Variants in DHRSX observed in about 807,000 individuals in gnomAD.
DHRSX encodes the protein dehydrogenase/reductase X-linked.
In DHRSX, 31 loss-of-function variants were observed where a neutral mutation model predicts 34.0. The observed-to-expected ratio is 0.91, with a 90% confidence interval of 0.69 to 1.23. The LOEUF (loss-of-function observed/expected upper bound fraction) is 1.23. Among genes scored for constraint, DHRSX ranks in the 50% most tolerant of loss-of-function variants. The pLI, the probability that DHRSX is intolerant of heterozygous loss-of-function variation, is 0.00. For synonymous variants in DHRSX, 201 were observed against 183.8 expected (o/e 1.09, Z -0.76); for missense variants, 414 against 428.1 (o/e 0.97, Z 0.29).
chrX:2,250,901 G>A (rs1371580228), intron 5 of DHRSX, among the ~76,000 whole-genome samples: 3 of 151,764 alleles, frequency 2.0e-5, no homozygotes, highest in African/African-American at 7.3e-5. Context: ...CTTAGCAACT[G>A]AGCAATTTTC....
intron 1 of DHRSX, among the ~76,000 whole-genome samples, chrX:2,460,011 G>C (rs2044380680): frequency 6.6e-6 from 1 of 152,126 alleles, no homozygotes; most frequent in African/African-American, 2.4e-5. Flanking sequence ...AGGAGGTTGA[G>C]ACAGAAGAAT....
intron 1 of DHRSX, among the ~76,000 whole-genome samples, chrX:2,453,747 G>A (rs1302659463): frequency 6.7e-6 from 1 of 148,844 alleles, no homozygotes; most frequent in Admixed American, 6.6e-5. Flanking sequence ...TCACACCACA[G>A]TGATGATAGT....
intron 3 of DHRSX, among the ~76,000 whole-genome samples, chrX:2,360,158 A>G (rs1488527509): frequency 6.6e-6 from 1 of 152,184 alleles, no homozygotes; most frequent in East Asian, 1.9e-4. Context: ...CCTGAGTGCA[A>G]AAGAACTCAC....
intron 3 of DHRSX, among the ~76,000 whole-genome samples, chrX:2,299,199 A>C (rs62595541): frequency 0.62 from 94,105 of 151,846 alleles, 30,665 homozygotes; most frequent in Middle Eastern, 0.75. Flanking sequence ...TCACTTAAAA[A>C]TTATCGAGAG....
At chrX:2,316,628 G>A (rs1187321383) in intron 3 of DHRSX, among the ~76,000 whole-genome samples, 1 of 152,110 alleles carries the variant, frequency 6.6e-6, no homozygotes, top group South Asian at 2.1e-4. Flanking sequence ...TGAAGAAGAA[G>A]AATTACTCAT....
intron 3 of DHRSX, among the ~76,000 whole-genome samples, chrX:2,380,905 G>A (rs777745069): frequency 8.5e-5 from 13 of 152,130 alleles, no homozygotes; most frequent in South Asian, 2.1e-4. Flanking sequence ...TCACACAGTC[G>A]CCAGGCTGGA....
chrX:2,411,973 A>G (rs2043636074), intron 2 of DHRSX, among the ~76,000 whole-genome samples: 1 of 152,178 alleles, frequency 6.6e-6, no homozygotes, highest in Admixed American at 6.5e-5. Context: ...GGAATGGAGA[A>G]GGTGAGGTGG....
chrX:2,282,470 G>T (rs1278463942), intron 4 of DHRSX, among the ~76,000 whole-genome samples: 1 of 149,854 alleles, frequency 6.7e-6, no homozygotes, highest in East Asian at 2.0e-4. Context: ...AGGAAAGAGA[G>T]AGAAGTGGGA....
chrX:2,425,580 C>T (rs1470200206), intron 1 of DHRSX, among the ~76,000 whole-genome samples: 3 of 152,232 alleles, frequency 2.0e-5, no homozygotes, highest in South Asian at 4.1e-4. Flanking sequence ...TCAGTGTGAC[C>T]GGCAGAAAGG....
chrX:2,250,161 CAA>C (rs1036532155), intron 5 of DHRSX, among the ~76,000 whole-genome samples: 13 of 101,798 alleles, frequency 1.3e-4, no homozygotes, highest in Admixed American at 2.2e-4. Flanking sequence ...GACTCCATCT[CAA>C]AAAAAAAAAA....
intron 3 of DHRSX, among the ~76,000 whole-genome samples, chrX:2,406,222 C>G (rs2043553494): frequency 1.3e-5 from 2 of 150,512 alleles, no homozygotes; most frequent in Non-Finnish European, 3.0e-5. Context: ...AACCTGGGAG[C>G]CGGAGGTTGC....
chrX:2,307,859 C>T (rs933505231), intron 3 of DHRSX, among the ~76,000 whole-genome samples: 4 of 151,660 alleles, frequency 2.6e-5, no homozygotes, highest in African/African-American at 9.7e-5. Flanking sequence ...GACCAAGACA[C>T]CAGGGTGATC....
At chrX:2,477,763 C>T (rs2044702829) in intron 1 of DHRSX, among the ~76,000 whole-genome samples, 3 of 151,870 alleles carry the variant, frequency 2.0e-5, no homozygotes, top group South Asian at 4.2e-4. Flanking sequence ...GAGAATTGCT[C>T]GAACCTGGGA....
intron 3 of DHRSX, among the ~76,000 whole-genome samples, chrX:2,388,503 A>G (rs747490390): frequency 4.4e-4 from 67 of 151,988 alleles, no homozygotes; most frequent in African/African-American, 1.4e-3. Context: ...CTCCAAGTCC[A>G]GCAGAGAGAC....
At chrX:2,276,815 AAG>A (rs1208680839) in intron 4 of DHRSX, among the ~76,000 whole-genome samples, 1 of 136,250 alleles carries the variant, frequency 7.3e-6, no homozygotes, top group Non-Finnish European at 1.6e-5. Flanking sequence ...AAGAGAGACA[AAG>A]AGAGATGGAG....
At chrX:2,422,096 C>G (rs1288716201) in intron 2 of DHRSX, among the ~76,000 whole-genome samples, 1 of 152,154 alleles carries the variant, frequency 6.6e-6, no homozygotes, top group Non-Finnish European at 1.5e-5. Flanking sequence ...AGTGTCTGTC[C>G]TGGACAGAGC....
At chrX:2,260,460 ATT>A (rs772144524) in intron 5 of DHRSX, among the ~76,000 whole-genome samples, 2,154 of 124,070 alleles carry the variant, frequency 0.017, 60 homozygotes, top group African/African-American at 0.061. Context: ...TTTCTACTTC[ATT>A]TTTTTTTTTT....
At chrX:2,455,819 T>C (rs2044289140) in intron 1 of DHRSX, among the ~76,000 whole-genome samples, 1 of 152,030 alleles carries the variant, frequency 6.6e-6, no homozygotes, top group East Asian at 1.9e-4. Flanking sequence ...TTACTGATTT[T>C]TTTTTAACTC....
At chrX:2,499,083 A>G (rs115706356) in intron 1 of DHRSX, among the ~76,000 whole-genome samples, 280 of 151,840 alleles carry the variant, frequency 1.8e-3, no homozygotes, top group African/African-American at 6.7e-3. Context: ...TAAAACATCC[A>G]CTCCAGGCAC....
Sources: allele counts gnomAD v4.1 joint callset (sites outside exome capture counted in the v4.1 genomes callset), GRCh38; gene constraint gnomAD v4.1.1; transcripts MANE v1.5; gene names NCBI Gene and HGNC (gene_info 2026-07-23, HGNC 2026-07-21).